The following PTPRD variants were observed in gnomAD, a reference collection of about 807,000 sequenced individuals.
PTPRD encodes receptor-type tyrosine-protein phosphatase delta.
A neutral mutation model predicts 214.5 loss-of-function variants in PTPRD; 34 were observed. The observed-to-expected ratio is 0.16, with a 90% CI of 0.12 to 0.21. The LOEUF (loss-of-function observed/expected upper bound fraction) is 0.21, where lower values mean the gene tolerates loss of function less well. PTPRD is among the 10% of genes least tolerant of loss of function. PTPRD has a pLI of 1.00. For missense variants in PTPRD, 2,545 were observed against 2,398.7 expected (o/e 1.06, Z -1.27); for synonymous variants, 1,128 against 845.7 (o/e 1.33, Z -5.79).
chr9:9,529,217 C>T (rs2074916558), intron 8 of PTPRD, among the ~76,000 whole-genome samples: 3 of 150,994 alleles, frequency 2.0e-5, no homozygotes, highest in African/African-American at 7.3e-5. Context: ...CAGGCGTGAG[C>T]CACCACGCCC....
chr9:9,483,917 T>A (rs187261414), intron 8 of PTPRD, among the ~76,000 whole-genome samples: 1 of 151,996 alleles, frequency 6.6e-6, no homozygotes, highest in Admixed American at 6.6e-5. Flanking sequence ...CCTATCACGT[T>A]TATGTTATAT....
intron 30 of PTPRD, among the ~76,000 whole-genome samples, chr9:8,471,783 T>C (rs1001255011): frequency 2.0e-4 from 30 of 152,114 alleles, no homozygotes; most frequent in African/African-American, 7.0e-4. Flanking sequence ...AACAGTCAAC[T>C]AAAATTTAAG....
At chr9:10,523,601 G>GTATAAATATATATATATATATA (rs2053141045) in intron 2 of PTPRD, among the ~76,000 whole-genome samples, 1 of 64,336 alleles carries the variant, frequency 1.6e-5, no homozygotes, top group Non-Finnish European at 3.2e-5. Context: ...ATATTTATCT[G>GTATAAATATATATATATATATA]TATATATATA....
At chr9:8,783,148 A>G (rs1243702429) in intron 11 of PTPRD, among the ~76,000 whole-genome samples, 1 of 152,190 alleles carries the variant, frequency 6.6e-6, no homozygotes, top group Non-Finnish European at 1.5e-5. Context: ...TATATGAATC[A>G]TAACGAAGAA....
chr9:9,850,307 A>C (rs1400774737), intron 5 of PTPRD, among the ~76,000 whole-genome samples: 2 of 152,178 alleles, frequency 1.3e-5, no homozygotes, highest in Non-Finnish European at 2.9e-5. Flanking sequence ...ACAGGAAAGA[A>C]TTCTGGCTCA....
chr9:9,597,187 AAACAG>A (rs2093417548), intron 7 of PTPRD, among the ~76,000 whole-genome samples: 1 of 152,034 alleles, frequency 6.6e-6, no homozygotes, highest in Admixed American at 6.6e-5. Context: ...ATCATCCTTA[AAACAG>A]AAAGTGGATA....
intron 2 of PTPRD, among the ~76,000 whole-genome samples, chr9:10,391,898 T>C (rs1444941820): frequency 6.6e-6 from 1 of 151,828 alleles, no homozygotes; most frequent in Non-Finnish European, 1.5e-5. Context: ...TTGCTATATC[T>C]ATTATCAAGA....
At chr9:9,287,107 C>T (rs879331874) in intron 9 of PTPRD, among the ~76,000 whole-genome samples, 2 of 150,744 alleles carry the variant, frequency 1.3e-5, no homozygotes, top group Admixed American at 1.3e-4. Context: ...GACCTGAAGT[C>T]CCAGCTACTT....
chr9:10,130,173 A>ATT (rs71321226), intron 3 of PTPRD, among the ~76,000 whole-genome samples: 24,872 of 143,646 alleles, frequency 0.17, 2,333 homozygotes, highest in South Asian at 0.32. Flanking sequence ...ACTCAAATCT[A>ATT]TTTTTTTTTT....
chr9:10,364,219 T>A (rs1565559454), intron 2 of PTPRD, among the ~76,000 whole-genome samples: 2 of 152,014 alleles, frequency 1.3e-5, no homozygotes, highest in South Asian at 2.1e-4. Context: ...GCCAGGATGG[T>A]CTCGATCTCC....
chr9:9,575,781 A>G (rs149927078), intron 7 of PTPRD, among the ~76,000 whole-genome samples: 13,049 of 84,268 alleles, frequency 0.15, 1,501 homozygotes, highest in African/African-American at 0.35. Flanking sequence ...AAAAGAAAGA[A>G]AAAGAAAAAA....
chr9:9,325,144 C>A (rs1185248789), intron 9 of PTPRD, among the ~76,000 whole-genome samples: 1 of 152,112 alleles, frequency 6.6e-6, no homozygotes, highest in Non-Finnish European at 1.5e-5. Flanking sequence ...CAGCTTTGTT[C>A]TTTTGGCTTA....
intron 8 of PTPRD, among the ~76,000 whole-genome samples, chr9:9,559,987 G>A (rs142308211): frequency 6.6e-6 from 1 of 152,182 alleles, no homozygotes; most frequent in East Asian, 1.9e-4. Context: ...GGATTGCCAA[G>A]TCCACATGTG....
chr9:9,101,528 CA>C (rs1336035177), intron 10 of PTPRD, among the ~76,000 whole-genome samples: 5 of 152,058 alleles, frequency 3.3e-5, no homozygotes, highest in African/African-American at 1.2e-4. Context: ...ATGATAAAAC[CA>C]AAGTGCTTGC....
intron 10 of PTPRD, among the ~76,000 whole-genome samples, chr9:9,178,393 T>C (rs369775666): frequency 1.1e-3 from 162 of 152,116 alleles, no homozygotes; most frequent in African/African-American, 3.7e-3. Flanking sequence ...CTTTCCTTCT[T>C]TCTATCAAAG....
chr9:10,393,574 T>C (rs2098112904), intron 2 of PTPRD, among the ~76,000 whole-genome samples: 1 of 150,792 alleles, frequency 6.6e-6, no homozygotes, highest in African/African-American at 2.4e-5. Flanking sequence ...GAGGATTGCT[T>C]AAGACCAGGA....
intron 8 of PTPRD, among the ~76,000 whole-genome samples, chr9:9,458,367 C>T (rs111642568): frequency 1.2e-4 from 18 of 151,844 alleles, no homozygotes; most frequent in African/African-American, 2.2e-4. Context: ...TAGTATAAAA[C>T]GTTTATTTTT....
chr9:9,903,020 C>T (rs572299419), intron 5 of PTPRD, among the ~76,000 whole-genome samples: 8 of 152,020 alleles, frequency 5.3e-5, no homozygotes, highest in East Asian at 1.9e-4. Flanking sequence ...TGAAAAACAT[C>T]GAAAATTCCA....
intron 39 of PTPRD, among the ~76,000 whole-genome samples, chr9:8,363,210 TC>T (rs2133979017): frequency 6.6e-6 from 1 of 152,338 alleles, no homozygotes; most frequent in South Asian, 2.1e-4. Flanking sequence ...ACATTTATCT[TC>T]TGCATTCATT....
Sources: allele counts gnomAD v4.1 joint callset (sites outside exome capture counted in the v4.1 genomes callset), GRCh38; gene constraint gnomAD v4.1.1; transcripts MANE v1.5; gene names NCBI Gene and HGNC (gene_info 2026-07-23, HGNC 2026-07-21).